Variants in THBS2 observed in about 807,000 individuals in gnomAD.
THBS2 encodes the protein thrombospondin 2.
In THBS2, 47 loss-of-function variants were observed where a neutral mutation model predicts 135.2. That is an observed-to-expected ratio of 0.35 (90% CI 0.28 to 0.44). The LOEUF (loss-of-function observed/expected upper bound fraction) is 0.44. THBS2 is among the 20% of genes least tolerant of loss of function. THBS2 has a pLI of 1.00. For synonymous variants in THBS2, 639 were observed against 633.8 expected, an observed-to-expected ratio of 1.01 and a Z score of -0.12; for missense variants, 1,288 against 1,603.1, an observed-to-expected ratio of 0.80 and a Z score of 3.36.
intron 10 of THBS2, 103 bp from the exon 11 acceptor site, chr6:169,233,120 G>A (rs1354861018): frequency 3.6e-6 from 5 of 1,395,904 alleles, no homozygotes; most frequent in Non-Finnish European, 2.8e-6. Context: ...CTTTGTCATC[G>A]AATTGTGTAG....
intron 21 of THBS2, chr6:169,219,734 T>C (rs778455905): frequency 3.9e-6 from 2 of 508,776 alleles, no homozygotes; most frequent in African/African-American, 1.9e-5. Flanking sequence ...TTTGAAGGCA[T>C]GGAATTAGAG....
chr6:169,233,141 T>A, intron 10 of THBS2, 124 bp from the exon 11 acceptor site: 1 of 1,327,580 alleles, frequency 7.5e-7, no homozygotes, highest in Non-Finnish European at 9.9e-7. Flanking sequence ...TCAGGAACAC[T>A]CTGGTGTGAT....
At position 169,252,863 on chromosome 6, in the gene THBS2, C is replaced by T. The variant is rs762412330; in HGVS notation, c.-23+861G>A. Among the ~76,000 whole-genome samples the T allele has an allele frequency of 1.3e-5, 2 of 152,168 alleles. No individual in the cohort carries two copies. Among genetic ancestry groups the T allele is most frequent in the Admixed American group, 1.3e-4 (2 of 15,272 alleles). ...TGCAAAGGTCTTTTAAAACTCTTTT[C>T]GTATGAACAATCAAAGTAAAAGATA... On this transcript the variant is annotated intron_variant, in intron 1 of 21. Transcript: ENST00000617924. This position sits in a 1 kb window ranked among gnomAD's most constrained non-coding sequence, Gnocchi z 4.3.
At chr6:169,218,952 G>A (rs111163624) in intron 21 of THBS2, among the ~76,000 whole-genome samples, 3 of 145,886 alleles carry the variant, frequency 2.1e-5, no homozygotes, top group African/African-American at 7.6e-5. Flanking sequence ...GATGAGATGA[G>A]TGGATGGATG....
At chr6:169,248,206 GCA>G (rs376855739) in intron 3 of THBS2, among the ~76,000 whole-genome samples, 80 of 152,116 alleles carry the variant, frequency 5.3e-4, no homozygotes, top group African/African-American at 1.8e-3. Context: ...GTGCATGTGT[GCA>G]CATGCCTGTG....
intron 3 of THBS2, among the ~76,000 whole-genome samples, chr6:169,247,508 ATGT>A (rs571824111): frequency 1.8e-4 from 25 of 140,008 alleles, no homozygotes; most frequent in Non-Finnish European, 3.7e-4. Context: ...CATCTATATG[ATGT>A]TCATGTGTTT....
intron 16 of THBS2, 92 bp downstream of exon 16, chr6:169,226,088 G>C (rs1301492532): frequency 1.2e-5 from 17 of 1,388,672 alleles, no homozygotes; most frequent in Non-Finnish European, 1.4e-5. Flanking sequence ...TGTGCACCAG[G>C]GGCAGTTGTC....
chr6:169,224,519 C>G (rs1333084197), intron 17 of THBS2, among the ~76,000 whole-genome samples: 3 of 150,194 alleles, frequency 2.0e-5, no homozygotes, highest in East Asian at 1.9e-4. Context: ...GACGTGGCTT[C>G]CAAAGAGAGC....
chr6:169,238,041 G>T (rs1780166640), intron 7 of THBS2, among the ~76,000 whole-genome samples: 1 of 152,192 alleles, frequency 6.6e-6, no homozygotes, highest in Non-Finnish European at 1.5e-5. Flanking sequence ...GCCTTTCTGG[G>T]TCTACTATTA....
rs1780139614 is a variant in THBS2 at position 169,237,495 on chromosome 6, C to T, written c.1300+130G>A. On this transcript the variant is annotated intron_variant, in intron 8 of 21. Transcript: ENST00000617924. ...CCATCAGCTGGGAGAAAGAGCCTCA[C>T]CTGGCTAGAATCCTTGCAAAGGCCC... 6.6e-6 allele frequency: 10 copies of T among 1,511,674 alleles called. No individual in the cohort carries two copies. The South Asian group carries it at 9.2e-5, about 14-fold the overall frequency. 93.6% of individuals were successfully genotyped at this position (1,511,674 alleles called of 1,614,324 possible).
At chr6:169,248,345 G>A in intron 3 of THBS2, 72 bp downstream of exon 3, 1 of 1,498,172 alleles carries the variant, frequency 6.7e-7, no homozygotes. Context: ...CGCATCACCA[G>A]ACGCATTAGC....
intron 10 of THBS2, among the ~76,000 whole-genome samples, chr6:169,234,206 C>A (rs1026496287): frequency 1.3e-5 from 2 of 150,996 alleles, no homozygotes; most frequent in Admixed American, 1.3e-4. Flanking sequence ...CACACAACCA[C>A]CCAGATGCCA....
chr6:169,218,552 A>C (rs915575868), intron 21 of THBS2, among the ~76,000 whole-genome samples: 2 of 106,216 alleles, frequency 1.9e-5, no homozygotes, highest in Non-Finnish European at 3.8e-5. Context: ...GACTAGATGG[A>C]TAGGTGGATG....
chr6:169,231,102 G>A lies in THBS2; in HGVS notation c.2151+878C>T, dbSNP rs537816093. Among the ~76,000 whole-genome samples the A allele has an allele frequency of 4.6e-5, 7 of 152,262 alleles. No homozygotes were observed. The East Asian group carries it at 5.8e-4, about 13-fold the overall frequency. On this transcript the variant is annotated intron_variant, in intron 13 of 21. Coordinates refer to ENST00000617924, the MANE Select transcript of THBS2 (RefSeq NM_003247.5). The stretch of plus-strand genomic sequence containing the variant: ...TCCGCGTCCTAGTGTCTTGGCGCCC[G>A]GGGATGTCACCTGATATGGCTGAAG...
At chr6:169,245,351 A>G (rs572429997) in intron 4 of THBS2, among the ~76,000 whole-genome samples, 8 of 152,244 alleles carry the variant, frequency 5.3e-5, no homozygotes, top group African/African-American at 1.2e-4. Flanking sequence ...AGTGACCTTC[A>G]GAATTAAATG....
In THBS2 at chr6:169,249,058, G is replaced by T. The variant is rs951805372; in HGVS notation, c.53-85C>A. 6.8e-6 allele frequency: 9 copies of T among 1,332,762 alleles called. No homozygotes were observed. In the Admixed American group the frequency reaches 1.6e-4, roughly 24 times the overall value. 82.6% of individuals were successfully genotyped at this position (1,332,762 alleles called of 1,614,324 possible). A position where few individuals can be genotyped will look rare whatever the true frequency, so the allele number is the denominator to read the frequency against. ...ACCCAGGGTGACAAACCAGAACCTC[G>T]CGTGTAAGGAAATTAACGAGGCCTC... On this transcript the variant is annotated intron_variant, in intron 2 of 21. Coordinates refer to ENST00000617924, the MANE Select transcript of THBS2 (RefSeq NM_003247.5).
rs929635249 is a variant in THBS2 at position 169,241,200 on chromosome 6, C to T, written c.891+562G>A. ...GTGTATGTTGTGGGGCACCGTGGCCCGGAGCACCTCATTATGTTCAGTCCC... is the reference window on the plus strand; with the variant it reads ...GTGTATGTTGTGGGGCACCGTGGCCTGGAGCACCTCATTATGTTCAGTCCC... On this transcript the variant is annotated intron_variant, in intron 5 of 21. Transcript: ENST00000617924. This position sits in a 1 kb window ranked among gnomAD's most constrained non-coding sequence, Gnocchi z 5.5. Among the ~76,000 whole-genome samples the T allele has an allele frequency of 1.3e-5, 2 of 152,088 alleles. No individual in the cohort carries two copies. The highest frequency in any genetic ancestry group is 4.8e-5 in the African/African-American group (2 of 41,400).
At chr6:169,218,347 G>T (rs1181980634) in intron 21 of THBS2, among the ~76,000 whole-genome samples, 1 of 137,148 alleles carries the variant, frequency 7.3e-6, no homozygotes, top group Non-Finnish European at 1.5e-5. Flanking sequence ...TGAATGGGTG[G>T]ATGAGATGAA....
At chr6:169,229,267 G>C (rs1235325400) in intron 14 of THBS2, among the ~76,000 whole-genome samples, 1 of 152,230 alleles carries the variant, frequency 6.6e-6, no homozygotes, top group African/African-American at 2.4e-5. Context: ...TCATGGTGGT[G>C]TCAGCCTTGC....
Sources: gnomAD v4.1 joint callset for allele counts (sites outside exome capture counted in the v4.1 genomes callset) on GRCh38, gnomAD v4.1.1 for gene constraint, Gnocchi (gnomAD v3.1) non-coding constraint, MANE v1.5 for transcripts, NCBI Gene and HGNC (gene_info 2026-07-23, HGNC 2026-07-21) for gene names.